The following SHC2 variants were observed in gnomAD, a reference collection of about 807,000 sequenced individuals.
The protein encoded by SHC2 is SHC-transforming protein 2.
Under a neutral mutation model 60.6 loss-of-function variants are expected in SHC2, and 62 were observed. The observed-to-expected ratio is 1.02, with a 90% CI of 0.83 to 1.26. The LOEUF is 1.26. Ranked by LOEUF, SHC2 falls within the 50% of genes most tolerant of loss-of-function variation. The probability of loss-of-function intolerance (pLI) is 0.00; values close to 1 mark genes in which losing one functional copy is unlikely to be tolerated. For missense variants in SHC2, 873 were observed against 822.2 expected (o/e 1.06, Z -0.76); for synonymous variants, 375 against 372.4 (o/e 1.01, Z -0.08).
At chr19:458,736 C>T (rs1408363750) in intron 1 of SHC2, among the ~76,000 whole-genome samples, 7 of 96,908 alleles carry the variant, frequency 7.2e-5, no homozygotes, top group East Asian at 5.6e-4. Context: ...AAGTGGGTTC[C>T]GGGGAGGCGG....
chr19:436,175 G>A lies in SHC2; in HGVS notation c.943C>T (p.Pro315Ser). The A allele has an allele frequency of 6.2e-7, 1 of 1,611,114 alleles. No homozygotes were observed. Among genetic ancestry groups the A allele is most frequent in the Non-Finnish European group, 8.5e-7 (1 of 1,179,288 alleles). ...YLHSPPKVAL[P>S]PERLAGPEES... ...GGCAGCTCTGGTTACCTTTCTGGGG[G>A]CAGCGCCACCTTGGGCGGGCTGTGC... The change falls in exon 7 of 13, where the codon CCC (proline) becomes TCC (serine). Residue 315 changes from proline (P) to serine (S), a missense_variant. Pro to Ser is a moderately conservative substitution (Grantham distance 74). Coordinates refer to ENST00000264554, the MANE Select transcript of SHC2 (RefSeq NM_012435.3).
intron 11 of SHC2, among the ~76,000 whole-genome samples, chr19:421,073 AAAG>A (rs1037015596): frequency 2.0e-5 from 3 of 150,224 alleles, no homozygotes; most frequent in African/African-American, 4.9e-5. Context: ...GAAAGGAAGA[AAAG>A]AAGAAAGAAA....
intron 1 of SHC2, among the ~76,000 whole-genome samples, chr19:458,574 C>T (rs114975506): frequency 0.016 from 1,616 of 102,054 alleles, 115 homozygotes; most frequent in African/African-American, 0.055. Context: ...CCTGGGGAGG[C>T]GGAAGCGGGT....
rs1307979176 is a variant in SHC2 at position 425,356 on chromosome 19, G to A, written c.1175-125C>T. On this transcript the variant is annotated intron_variant, in intron 9 of 12. Coordinates refer to ENST00000264554, the MANE Select transcript of SHC2 (RefSeq NM_012435.3). This position sits in a 1 kb window ranked among gnomAD's most constrained non-coding sequence, Gnocchi z 4.1. ...CTGTGCTGCTGGCTGCAGGGCGGAT[G>A]CTGCTCTGGTCTCCCTGTGGTAACC... 1.0e-5 allele frequency: 8 copies of A among 794,168 alleles called. No individual in the cohort carries two copies. The African/African-American group carries it at 1.2e-4, about 12-fold the overall frequency. The allele number at this position is 794,168 out of a possible 1,614,324, so 49.2% of individuals were successfully genotyped here. A position where few individuals can be genotyped will look rare whatever the true frequency, so the allele number is the denominator to read the frequency against.
At chr19:457,805 C>G (rs113058919) in intron 1 of SHC2, among the ~76,000 whole-genome samples, 2 of 152,336 alleles carry the variant, frequency 1.3e-5, no homozygotes, top group Admixed American at 1.3e-4. Flanking sequence ...AGGAAGCGCA[C>G]GCGTCCTCCG....
chr19:436,033 T>C, intron 7 of SHC2, 132 bp downstream of exon 7: 1 of 973,756 alleles, frequency 1.0e-6, no homozygotes, highest in Non-Finnish European at 1.5e-6. Flanking sequence ...GGCTGAGCCA[T>C]ATTCTCACGG....
chr19:450,296 T>G lies in SHC2; in HGVS notation c.469-9364A>C, dbSNP rs918806517. Among the ~76,000 whole-genome samples, 3 of 152,218 alleles carry G rather than the reference T, an allele frequency of 2.0e-5. 1 individual carries two copies. The South Asian group carries it at 6.2e-4, about 32-fold the overall frequency. On this transcript the variant is annotated intron_variant, in intron 1 of 12. Transcript: ENST00000264554. ...CTCCAACCTAACTCCACGTGGCCCA[T>G]GACGCAAGAGAGTGGCGCGTTTTCG...
At chr19:434,627 C>T in intron 8 of SHC2, 82 bp downstream of exon 8, 1 of 1,353,726 alleles carries the variant, frequency 7.4e-7, no homozygotes, top group Non-Finnish European at 9.8e-7. Context: ...AGAACAGGAG[C>T]AGAAAGAAGA....
intron 9 of SHC2, 123 bp downstream of exon 9, chr19:430,561 C>T (rs373038278): frequency 1.1e-5 from 8 of 739,088 alleles, no homozygotes; most frequent in East Asian, 2.7e-5. Flanking sequence ...AGGAGCAAGA[C>T]GATCTCATAG....
chr19:452,730 C>T lies in SHC2; in HGVS notation c.468+7799G>A, dbSNP rs184832862. Among the ~76,000 whole-genome samples, 113 of 152,286 alleles carry T rather than the reference C, an allele frequency of 7.4e-4. No homozygotes were observed. In the Middle Eastern group the frequency reaches 0.01, roughly 14 times the overall value. On this transcript the variant is annotated intron_variant, in intron 1 of 12. Transcript: ENST00000264554. ...AAATAGTGGTAGTTGATCGGCAGGA[C>T]GGCCACACGCAGCTGCAGCTGGTGG... is the stretch of plus-strand genomic sequence containing the variant.
rs1974398482 is a variant in SHC2, at chr19:425,645, C to T, written c.1175-414G>A. Among the ~76,000 whole-genome samples the T allele has an allele frequency of 6.6e-6, 1 of 152,252 alleles. No homozygotes were observed. The highest frequency in any genetic ancestry group is 1.5e-5 in the Non-Finnish European group (1 of 68,046). ...TGCTTCCCTGTAATTATGCTATCAA[C>T]ATGACGCACGGAGGGTCACTTATTC... On this transcript the variant is annotated intron_variant, in intron 9 of 12. Transcript: ENST00000264554. The surrounding 1 kb of genome is among the most constrained non-coding windows in gnomAD (Gnocchi z 4.1).
chr19:439,394 G>A (rs764528603), intron 2 of SHC2: 16 of 308,510 alleles, frequency 5.2e-5, no homozygotes, highest in African/African-American at 8.7e-5. Flanking sequence ...AGGAAGGCTC[G>A]GCATCAGATG....
chr19:460,198 G>T (rs944289194), intron 1 of SHC2, among the ~76,000 whole-genome samples: 2 of 152,154 alleles, frequency 1.3e-5, no homozygotes, highest in South Asian at 2.1e-4. Flanking sequence ...CTGTCCGGGG[G>T]GCTCCGGTGG....
At chr19:421,996 G>A (rs1243105175) in intron 11 of SHC2, 150 bp downstream of exon 11, 4 of 777,926 alleles carry the variant, frequency 5.1e-6, no homozygotes, top group Non-Finnish European at 7.9e-6. Flanking sequence ...TCATAAACAT[G>A]GAAAGCTCCT....
chr19:444,909 G>A (rs1276803615), intron 1 of SHC2, among the ~76,000 whole-genome samples: 1 of 152,222 alleles, frequency 6.6e-6, no homozygotes, highest in East Asian at 1.9e-4. Flanking sequence ...TGGCCCCTCG[G>A]GAAACAGGCC....
Position 422,671 on chromosome 19 carries a change from T to C in SHC2, c.1310-215A>G. On this transcript the variant is annotated intron_variant, in intron 10 of 12. Transcript: ENST00000264554. The surrounding 1 kb of genome is among the most constrained non-coding windows in gnomAD (Gnocchi z 5.0). ...AGCAACCTGGACTCCCCAGGTTGGG[T>C]TTTCTAGGCACGTACTAAGCATGTA... 3.8e-6 allele frequency: 2 copies of C among 523,824 alleles called. No homozygotes were observed. Among genetic ancestry groups the C allele is most frequent in the Non-Finnish European group, 6.7e-6 (2 of 297,736 alleles). 32.4% of individuals were successfully genotyped at this position (523,824 alleles called of 1,614,324 possible). A position where few individuals can be genotyped will look rare whatever the true frequency, so the allele number is the denominator to read the frequency against.
intron 1 of SHC2, among the ~76,000 whole-genome samples, chr19:451,430 T>C (rs1190211208): frequency 6.6e-6 from 1 of 152,256 alleles, no homozygotes; most frequent in Non-Finnish European, 1.5e-5. Flanking sequence ...GATCCACTCA[T>C]CCATCAACAG....
At chr19:418,623 G>A (rs1224995670) in intron 12 of SHC2, among the ~76,000 whole-genome samples, 2 of 152,234 alleles carry the variant, frequency 1.3e-5, no homozygotes, top group African/African-American at 4.8e-5. Context: ...ACACAGCGTG[G>A]AATCCCATTG....
At chr19:419,087 C>G (rs541338050) in intron 11 of SHC2, 31 bp from the exon 12 acceptor site, 1 of 1,549,270 alleles carries the variant, frequency 6.5e-7, no homozygotes, top group East Asian at 2.4e-5. Flanking sequence ...CATCAGCTCC[C>G]GGGAGCCCGC....
Sources: allele counts gnomAD v4.1 joint callset (sites outside exome capture counted in the v4.1 genomes callset), GRCh38; gene constraint gnomAD v4.1.1; non-coding constraint Gnocchi (gnomAD v3.1); transcripts MANE v1.5; gene names NCBI Gene and HGNC (gene_info 2026-07-23, HGNC 2026-07-21).